The following STX2 variants were observed in gnomAD, a reference collection of about 807,000 sequenced individuals.
STX2 encodes syntaxin-2.
STX2 carries 27 observed loss-of-function variants against 40.6 expected under a neutral mutation model. The ratio of observed to expected loss-of-function variants is 0.66; its 90% confidence interval spans 0.49 to 0.92. The LOEUF is 0.92. Ranked by LOEUF, STX2 falls within the 40% of genes least tolerant of loss-of-function variation. The pLI is 0.00. For synonymous variants in STX2, 123 were observed against 119.1 expected (o/e 1.03, Z -0.22); for missense variants, 328 against 366.1 (o/e 0.90, Z 0.85).
At chr12:130,806,156 A>G (rs1256602656) in intron 6 of STX2, among the ~76,000 whole-genome samples, 1 of 152,238 alleles carries the variant, frequency 6.6e-6, no homozygotes, top group Admixed American at 6.5e-5. Context: ...CTGTGGGACA[A>G]GGTCAAGCGG....
At chr12:130,800,389 C>T (rs1272715011) in intron 8 of STX2, among the ~76,000 whole-genome samples, 1 of 151,108 alleles carries the variant, frequency 6.6e-6, no homozygotes, top group Non-Finnish European at 1.5e-5. Flanking sequence ...CAGCCTTGAA[C>T]TCATGGGCAT....
At chr12:130,814,877 C>T (rs1051303695) in intron 3 of STX2, among the ~76,000 whole-genome samples, 20 of 152,152 alleles carry the variant, frequency 1.3e-4, no homozygotes, top group Non-Finnish European at 2.5e-4. Flanking sequence ...CCTCGAGATC[C>T]GCCCACCTCA....
chr12:130,812,251 G>A, intron 4 of STX2: 1 of 391,514 alleles, frequency 2.6e-6, no homozygotes, highest in Non-Finnish European at 5.0e-6. Context: ...TAATGAATTT[G>A]GGTTTAGATA....
intron 10 of STX2, among the ~76,000 whole-genome samples, chr12:130,792,601 T>C (rs1264193577): frequency 1.3e-5 from 2 of 152,184 alleles, no homozygotes; most frequent in Non-Finnish European, 2.9e-5. Flanking sequence ...GGAGCTAGGA[T>C]GACAGGCATG....
intron 6 of STX2, 28 bp from the exon 7 acceptor site, chr12:130,801,516 T>C: frequency 1.3e-6 from 2 of 1,569,842 alleles, no homozygotes; most frequent in Middle Eastern, 1.7e-4. Context: ...ACAGCCCCAC[T>C]CAGAATGCAG....
chr12:130,805,208 T>C (rs1346543469), intron 6 of STX2, among the ~76,000 whole-genome samples: 1 of 152,218 alleles, frequency 6.6e-6, no homozygotes, highest in Non-Finnish European at 1.5e-5. Flanking sequence ...TGAGCATTTC[T>C]GCCAGGATGG....
At chr12:130,802,030 T>C (rs1951247136) in intron 6 of STX2, among the ~76,000 whole-genome samples, 1 of 152,162 alleles carries the variant, frequency 6.6e-6, no homozygotes, top group South Asian at 2.1e-4. Context: ...CAAAAGTAAA[T>C]GAATAAATGT....
rs1281311572 is a variant in STX2 at position 130,789,851 on chromosome 12, A to G, written c.*2172T>C. On this transcript the variant is annotated 3_prime_UTR_variant, in exon 11 of 11. Coordinates refer to ENST00000392373, the MANE Select transcript of STX2 (RefSeq NM_194356.4). ...GGACAAGTGACTTAAATATCTAAAT[A>G]CAAATCAAATAGCATTTTCCTAACT... 1 of 152,482 alleles carries G rather than the reference A, an allele frequency of 6.6e-6. No individual in the cohort carries two copies. The highest frequency in any genetic ancestry group is 2.4e-5 in the African/African-American group (1 of 41,468). The allele number at this position is 152,482 out of a possible 1,614,324, so 9.4% of individuals were successfully genotyped here. A position where few individuals can be genotyped will look rare whatever the true frequency, so the allele number is the denominator to read the frequency against.
chr12:130,820,487 G>A (rs1952070095), intron 3 of STX2, among the ~76,000 whole-genome samples: 1 of 152,090 alleles, frequency 6.6e-6, no homozygotes, highest in African/African-American at 2.4e-5. Flanking sequence ...CCAATATGGT[G>A]AAATCCCATG....
intron 1 of STX2, among the ~76,000 whole-genome samples, chr12:130,835,919 G>GC (rs1188166522): frequency 6.7e-6 from 1 of 149,264 alleles, no homozygotes; most frequent in Non-Finnish European, 1.5e-5. Context: ...CCCTGTCCAC[G>GC]TAACTGTCAG....
chr12:130,834,096 G>T (rs1180575483), intron 1 of STX2, among the ~76,000 whole-genome samples: 3 of 152,160 alleles, frequency 2.0e-5, no homozygotes, highest in Non-Finnish European at 4.4e-5. Flanking sequence ...ACTAAAAAAG[G>T]TGCAAGGCTA....
intron 1 of STX2, among the ~76,000 whole-genome samples, chr12:130,829,508 G>A (rs966069512): frequency 4.8e-5 from 6 of 124,394 alleles, no homozygotes; most frequent in African/African-American, 1.7e-4. Context: ...GCTGTGCTGC[G>A]GAGCCCCACC....
At position 130,798,497 on chromosome 12, in the gene STX2, C is replaced by T. The variant is rs974110778; in HGVS notation, c.786+28G>A. The T allele has an allele frequency of 3.2e-6, 5 of 1,549,430 alleles. No individual in the cohort carries two copies. In the African/African-American group the frequency reaches 7.0e-5, roughly 22 times the overall value. ...TTGAAACCAAATGAAGAGAAAAACG[C>T]AGCTTAATTCTTCGAAGCCAAACTC... On this transcript the variant is annotated intron_variant, in intron 9 of 10. Coordinates refer to ENST00000392373, the MANE Select transcript of STX2 (RefSeq NM_194356.4).
At chr12:130,801,071 C>G in intron 8 of STX2, 82 bp downstream of exon 8, 3 of 1,444,698 alleles carry the variant, frequency 2.1e-6, no homozygotes, top group Non-Finnish European at 2.8e-6. Flanking sequence ...TTCCTAGATA[C>G]ATCCACTAGA....
intron 8 of STX2, 109 bp from the exon 9 acceptor site, chr12:130,798,744 T>G (rs553029892): frequency 4.2e-6 from 3 of 712,472 alleles, no homozygotes; most frequent in South Asian, 2.7e-5. Context: ...GTGCATGTAA[T>G]GGATACTGAG....
intron 6 of STX2, among the ~76,000 whole-genome samples, chr12:130,802,987 T>G (rs905179583): frequency 2.6e-5 from 4 of 152,252 alleles, no homozygotes; most frequent in Non-Finnish European, 5.9e-5. Context: ...GTGTGAAGTT[T>G]CTTTTTGGGT....
chr12:130,814,627 C>CTT (rs5801936), intron 3 of STX2, among the ~76,000 whole-genome samples: 8 of 49,258 alleles, frequency 1.6e-4, no homozygotes, highest in African/African-American at 5.0e-4. Context: ...ATTAGAAAGA[C>CTT]TTTTTTTTTT....
intron 8 of STX2, among the ~76,000 whole-genome samples, chr12:130,799,912 A>G (rs145817114): frequency 6.6e-6 from 1 of 152,324 alleles, no homozygotes; most frequent in East Asian, 1.9e-4. Context: ...AGGTTGCTGA[A>G]GCAGGCAGGA....
chr12:130,827,083 G>C (rs1462228435), intron 2 of STX2, 110 bp downstream of exon 2: 1 of 558,918 alleles, frequency 1.8e-6, no homozygotes, highest in Non-Finnish European at 3.2e-6. Flanking sequence ...GGGAGGGGTG[G>C]GGAGGGGAGG....
Sources: gnomAD v4.1 joint callset for allele counts (sites outside exome capture counted in the v4.1 genomes callset) on GRCh38, gnomAD v4.1.1 for gene constraint, MANE v1.5 for transcripts, NCBI Gene and HGNC (gene_info 2026-07-23, HGNC 2026-07-21) for gene names.